The following DENND2C variants were observed in gnomAD, a reference collection of about 807,000 sequenced individuals.
DENND2C encodes the protein DENN domain-containing protein 2C.
DENND2C carries 72 observed loss-of-function variants against 112.4 expected under a neutral mutation model. The observed-to-expected ratio is 0.64, with a 90% CI of 0.53 to 0.78. The LOEUF is 0.78. Ranked by LOEUF, DENND2C falls within the 30% of genes least tolerant of loss-of-function variation. DENND2C has a pLI of 0.00. For missense variants in DENND2C, 992 were observed against 1,113.8 expected (o/e 0.89, Z 1.56); for synonymous variants, 329 against 381.6 (o/e 0.86, Z 1.61).
At chr1:114,591,860 T>TTTA (rs138511726) in intron 18 of DENND2C, among the ~76,000 whole-genome samples, 79 of 148,174 alleles carry the variant, frequency 5.3e-4, no homozygotes, top group Non-Finnish European at 9.3e-4. Flanking sequence ...CCTAGTATCA[T>TTTA]TTATTATTAT....
chr1:114,620,065 G>C (rs1236581194), intron 7 of DENND2C, among the ~76,000 whole-genome samples: 5 of 152,160 alleles, frequency 3.3e-5, no homozygotes, highest in Middle Eastern at 3.2e-3. Context: ...GAGGCAAATG[G>C]ACTAGATCAG....
rs552591576 is a variant in DENND2C, at chr1:114,587,153, C to T, written c.2755+234G>A. The T allele has an allele frequency of 6.7e-4, 325 of 484,642 alleles. 2 individuals carry two copies. The South Asian group carries it at 8.0e-3, about 12-fold the overall frequency. The allele number at this position is 484,642 out of a possible 1,614,324, so 30.0% of individuals were successfully genotyped here. On this transcript the variant is annotated intron_variant, in intron 20 of 20. Transcript: ENST00000393274. Reference sequence around the variant, plus strand: ...CTAACCTCAGGTGATCAACCTGCCTCAGCCTCCCAAAGTGCTGGGATTACA... The same window carrying T: ...CTAACCTCAGGTGATCAACCTGCCTTAGCCTCCCAAAGTGCTGGGATTACA...
intron 10 of DENND2C, 55 bp from the exon 11 acceptor site, chr1:114,605,086 G>T: frequency 1.5e-6 from 2 of 1,335,670 alleles, no homozygotes; most frequent in South Asian, 1.3e-5. Flanking sequence ...GTGGGGAATA[G>T]AAATAAAAAA....
Position 114,623,942 on chromosome 1 carries a change from G to A in DENND2C, c.807-299C>T, listed in dbSNP as rs191071211. On this transcript the variant is annotated intron_variant, in intron 4 of 20. Transcript: ENST00000393274. The stretch of plus-strand genomic sequence containing the variant: ...GTAGAGATGAGGTTTCACCATGACC[G>A]CCAGGCTGGTCTTGAACTCCTGACT... Among the ~76,000 whole-genome samples, 94 of 152,188 alleles carry A rather than the reference G, an allele frequency of 6.2e-4. No homozygotes were observed. The East Asian group carries it at 0.011, about 17-fold the overall frequency.
At chr1:114,631,733 G>A (rs1301712368) in intron 3 of DENND2C, among the ~76,000 whole-genome samples, 1 of 152,126 alleles carries the variant, frequency 6.6e-6, no homozygotes, top group Non-Finnish European at 1.5e-5. Flanking sequence ...AGTGAGCCGA[G>A]ATTGTGACAC....
Position 114,587,789 on chromosome 1 carries a change from C to T in DENND2C, c.2595G>A (p.Leu865=). The change falls in exon 19 of 21, where the codon CTG becomes CTA. Residue 865 remains leucine (L), a synonymous_variant. Coordinates refer to ENST00000393274, the MANE Select transcript of DENND2C (RefSeq NM_001256404.2). Reference sequence around the variant, plus strand: ...ACATCTGAGTTTCCATGAAGAGATCCAGGAAGTGGCGTACACTTCGGGAGG... The same window carrying T: ...ACATCTGAGTTTCCATGAAGAGATCTAGGAAGTGGCGTACACTTCGGGAGG... ...SHTSRSVRHF[L]DLFMETQMFA... 1.2e-6 allele frequency: 2 copies of T among 1,614,056 alleles called. No homozygotes were observed. The highest frequency in any genetic ancestry group is 1.7e-6 in the Non-Finnish European group (2 of 1,180,006).
In DENND2C at chr1:114,657,289, T is replaced by C. The variant is rs563103638; in HGVS notation, c.-573-2528A>G. 3.3e-5 allele frequency among the ~76,000 whole-genome samples: 5 copies of C among 152,346 alleles called. No homozygotes were observed. In the South Asian group the frequency reaches 6.2e-4, roughly 19 times the overall value. ...TTTGTTTGTTTCTTATCGTACCATA[T>C]TTATTTTTACTTTATTACTGTACCA... is the stretch of plus-strand genomic sequence containing the variant. On this transcript the variant is annotated intron_variant, in intron 1 of 20. Coordinates refer to ENST00000393274, the MANE Select transcript of DENND2C (RefSeq NM_001256404.2).
intron 3 of DENND2C, among the ~76,000 whole-genome samples, chr1:114,628,509 G>A (rs1656405536): frequency 6.6e-6 from 1 of 152,056 alleles, no homozygotes; most frequent in Non-Finnish European, 1.5e-5. Flanking sequence ...ATACATGATA[G>A]CTTTCGAAAA....
rs530622314 is a variant in DENND2C at position 114,623,708 on chromosome 1, TTTTA to T, written c.807-69_807-66del. ...AACTCTAATCTTTATTTTTTAAAAT[TTTTA>T]TTTATTTATTTGTTTGATTGTTTGT... On this transcript the variant is annotated intron_variant, in intron 4 of 20. Coordinates refer to ENST00000393274, the MANE Select transcript of DENND2C (RefSeq NM_001256404.2). The T allele has an allele frequency of 4.1e-4, 472 of 1,148,040 alleles. 1 individual carries two copies. The African/African-American group carries it at 7.6e-3, about 18-fold the overall frequency. The allele number at this position is 1,148,040 out of a possible 1,614,324, so 71.1% of individuals were successfully genotyped here.
At chr1:114,623,687 C>G in intron 4 of DENND2C, 44 bp from the exon 5 acceptor site, 1 of 1,371,730 alleles carries the variant, frequency 7.3e-7, no homozygotes, top group Non-Finnish European at 9.7e-7. Context: ...TTTCAAAACT[C>G]TAATCTTTAT....
rs753107891 is a variant in DENND2C at position 114,599,294 on chromosome 1, G to A, written c.2263C>T (p.Gln755Ter). 1.9e-6 allele frequency: 3 copies of A among 1,612,904 alleles called. No individual in the cohort carries two copies. The highest frequency in any genetic ancestry group is 1.7e-5 in the Admixed American group (1 of 59,986). The change falls in exon 16 of 21, where the codon CAG (glutamine) becomes TAG (stop). Residue 755 changes from glutamine to a stop codon, truncating the protein, a stop_gained. Coordinates refer to ENST00000393274, the MANE Select transcript of DENND2C (RefSeq NM_001256404.2). LOFTEE classifies it high-confidence loss of function. ...CTCACCTCTTCAATGGGTAGGTCCT[G>A]GAGCTGTGGTAAGGAGCAAGACAGG... ...GILSCSLPQL[Q>*]DLPIEEVLIV...
intron 3 of DENND2C, among the ~76,000 whole-genome samples, chr1:114,638,507 C>T (rs147578964): frequency 0.026 from 3,883 of 151,884 alleles, 177 homozygotes; most frequent in African/African-American, 0.088. Context: ...ACCTGTAATC[C>T]CAGCACTTTG....
chr1:114,591,510 C>T, intron 18 of DENND2C, among the ~76,000 whole-genome samples: 1 of 152,086 alleles, frequency 6.6e-6, no homozygotes, highest in East Asian at 1.9e-4. Context: ...ATTCTAGACA[C>T]TATTCATTTG....
chr1:114,604,199 GA>G (rs1006405986), intron 11 of DENND2C, among the ~76,000 whole-genome samples: 4 of 152,178 alleles, frequency 2.6e-5, no homozygotes, highest in Non-Finnish European at 4.4e-5. Context: ...ACACGAAGTT[GA>G]AGTGCAGAGA....
intron 13 of DENND2C, among the ~76,000 whole-genome samples, 198 bp downstream of exon 13, chr1:114,601,310 C>T (rs940107387): frequency 3.3e-5 from 5 of 152,134 alleles, no homozygotes; most frequent in Admixed American, 1.3e-4. Flanking sequence ...CTCCCTTAAG[C>T]TGAAAGTTCT....
At chr1:114,633,638 A>C (rs1481436715) in intron 3 of DENND2C, among the ~76,000 whole-genome samples, 1 of 152,078 alleles carries the variant, frequency 6.6e-6, no homozygotes, top group Non-Finnish European at 1.5e-5. Context: ...GAAGTCAACA[A>C]AGAAAGATGA....
rs757068974 is a variant in DENND2C at position 114,600,902 on chromosome 1, A to G, written c.1874T>C (p.Met625Thr). 2.5e-6 allele frequency: 4 copies of G among 1,614,130 alleles called. No homozygotes were observed. The South Asian group carries it at 3.3e-5, about 13-fold the overall frequency. The change falls in exon 14 of 21, where the codon ATG becomes ACG. Residue 625 changes from methionine (M) to threonine (T), a missense_variant. Met to Thr is a moderately conservative substitution (Grantham distance 81). This residue lies in a region of DENND2C where 516 missense variants were observed against 623.6 expected (regional missense o/e 0.83). Coordinates refer to ENST00000393274, the MANE Select transcript of DENND2C (RefSeq NM_001256404.2). ...EMSPALVYPF[M>T]RSVMEAPFPA... ...GAAAGGAGCTTCCATGACACTTCGCATGAATGGGTAAACAAGGGCTGGAGA... is the reference window on the plus strand; with the variant it reads ...GAAAGGAGCTTCCATGACACTTCGCGTGAATGGGTAAACAAGGGCTGGAGA...
chr1:114,594,534 G>A lies in DENND2C; in HGVS notation c.2370C>T (p.Ala790=), dbSNP rs754567083. 6.2e-7 allele frequency: 1 copy of A among 1,613,744 alleles called. No individual in the cohort carries two copies. The highest frequency in any genetic ancestry group is 2.2e-5 in the East Asian group (1 of 44,856). ...TTCGTTCTTCCAAAATCTGCATCAGGGCAGCTTGAAGTTTTGGTGGTAGAA... is the reference window on the plus strand; with the variant it reads ...TTCGTTCTTCCAAAATCTGCATCAGAGCAGCTTGAAGTTTTGGTGGTAGAA... The part of the protein sequence containing the change: ...DEILPPKLQA[A]LMQILEERNE... Residue 790 remains alanine (A), a synonymous_variant, in exon 18 of 21, where the codon GCC becomes GCT. Transcript: ENST00000393274.
chr1:114,592,391 T>C (rs1324338335), intron 18 of DENND2C, among the ~76,000 whole-genome samples: 1 of 152,190 alleles, frequency 6.6e-6, no homozygotes, highest in Non-Finnish European at 1.5e-5. Flanking sequence ...CTTTTTTGAG[T>C]GCCTTGGCTA....
Sources: gnomAD v4.1 joint callset for allele counts (sites outside exome capture counted in the v4.1 genomes callset) on GRCh38, gnomAD v4.1.1 for gene constraint, gnomAD v4.1.1 regional missense constraint, MANE v1.5 for transcripts, NCBI Gene and HGNC (gene_info 2026-07-23, HGNC 2026-07-21) for gene names.